KIAA1217: variants seen among roughly 807,000 people sequenced by gnomAD.
The protein encoded by KIAA1217 is KIAA1217.
In KIAA1217, 88 loss-of-function variants were observed where a neutral mutation model predicts 163.9. That is an observed-to-expected ratio of 0.54 (90% CI 0.45 to 0.64). The LOEUF (loss-of-function observed/expected upper bound fraction) is 0.64. Ranked by LOEUF, KIAA1217 falls within the 30% of genes least tolerant of loss-of-function variation. The probability of loss-of-function intolerance (pLI) is 0.00; values close to 1 mark genes in which losing one functional copy is unlikely to be tolerated. For synonymous variants in KIAA1217, 903 were observed against 923.1 expected, an observed-to-expected ratio of 0.98 and a Z score of 0.39; for missense variants, 2,372 against 2,475.0, an observed-to-expected ratio of 0.96 and a Z score of 0.88.
intron 1 of KIAA1217, among the ~76,000 whole-genome samples, chr10:23,925,607 G>A (rs1037425213): frequency 2.0e-5 from 3 of 152,138 alleles, no homozygotes; most frequent in Admixed American, 6.6e-5. Context: ...TCCATGTTTC[G>A]AAGGCAGAGG....
At chr10:24,400,728 T>TA (rs138427961) in intron 3 of KIAA1217, among the ~76,000 whole-genome samples, 84 of 151,916 alleles carry the variant, frequency 5.5e-4, no homozygotes, top group African/African-American at 2.0e-3. Flanking sequence ...TCAACCAGAA[T>TA]ATAAATATGA....
chr10:24,377,348 T>G (rs2052650466), intron 2 of KIAA1217, among the ~76,000 whole-genome samples: 1 of 152,158 alleles, frequency 6.6e-6, no homozygotes, highest in Non-Finnish European at 1.5e-5. Flanking sequence ...TGAGTCCTGC[T>G]CACGTGGCTC....
intron 2 of KIAA1217, among the ~76,000 whole-genome samples, chr10:24,062,530 G>A (rs567083054): frequency 2.7e-5 from 4 of 150,904 alleles, no homozygotes; most frequent in Non-Finnish European, 5.9e-5. Context: ...TCTTAATCCA[G>A]TCTATCATTG....
chr10:24,169,339 C>T lies in KIAA1217; in HGVS notation c.-170-50287C>T, dbSNP rs748468162. On this transcript the variant is annotated intron_variant, in intron 2 of 18. Coordinates refer to the KIAA1217 transcript ENST00000376462. ...TGCTCCATCACTCAATTCTCATTCT[C>T]TCCATTCTAGTCCCAACGGCTTTCT... is the stretch of plus-strand genomic sequence containing the variant. Among the ~76,000 whole-genome samples, 103 of 152,124 alleles carry T rather than the reference C, an allele frequency of 6.8e-4. 1 individual carries two copies. The highest frequency in any genetic ancestry group is 1.5e-4 in the Non-Finnish European group (10 of 68,022).
Position 23,826,203 on chromosome 10 carries a change from T to G in KIAA1217, c.-321+130969T>G, listed in dbSNP as rs965764363. ...CCTCCAGGTCTACTAAAAAAAAGTGTAAGTAGTTAATATGATTATTTTCTA... is the reference window on the plus strand; with the variant it reads ...CCTCCAGGTCTACTAAAAAAAAGTGGAAGTAGTTAATATGATTATTTTCTA... On this transcript the variant is annotated intron_variant, in intron 1 of 18. Coordinates refer to the KIAA1217 transcript ENST00000376462. 2.0e-5 allele frequency among the ~76,000 whole-genome samples: 3 copies of G among 152,148 alleles called. No individual in the cohort carries two copies. In the East Asian group the frequency reaches 5.8e-4, roughly 29 times the overall value.
chr10:24,290,501 G>A (rs368055127), intron 2 of KIAA1217, among the ~76,000 whole-genome samples: 151 of 150,966 alleles, frequency 1.0e-3, no homozygotes, highest in African/African-American at 3.6e-3. Flanking sequence ...GAGGTTGTAT[G>A]AGTGTAAAAA....
At chr10:23,776,793 G>A (rs1835027742) in intron 1 of KIAA1217, among the ~76,000 whole-genome samples, 1 of 149,186 alleles carries the variant, frequency 6.7e-6, no homozygotes, top group African/African-American at 2.5e-5. Flanking sequence ...CAATTCTTGT[G>A]CCTCAGCCTC....
chr10:24,185,348 G>A lies in KIAA1217; in HGVS notation c.-170-34278G>A, dbSNP rs117622361. On this transcript the variant is annotated intron_variant, in intron 2 of 18. Transcript: ENST00000376462. The stretch of plus-strand genomic sequence containing the variant: ...AATGAGAATCTCCTCCAAGACATTT[G>A]CTTCAGCATCTCCTTGCAAGTCCTC... Among the ~76,000 whole-genome samples the A allele has an allele frequency of 6.6e-4, 100 of 151,590 alleles. 2 individuals carry two copies. In the East Asian group the frequency reaches 0.012, roughly 18 times the overall value.
chr10:24,122,162 TG>T (rs1183240127), intron 2 of KIAA1217, among the ~76,000 whole-genome samples: 1 of 152,054 alleles, frequency 6.6e-6, no homozygotes, highest in Non-Finnish European at 1.5e-5. Context: ...CCCACCCTTT[TG>T]GAGTCCTTAG....
chr10:23,935,110 T>G (rs1398142633), intron 1 of KIAA1217, among the ~76,000 whole-genome samples: 1 of 152,192 alleles, frequency 6.6e-6, no homozygotes, highest in Non-Finnish European at 1.5e-5. Context: ...GTCTATGTTC[T>G]ATAAATAATG....
rs148264981 is a variant in KIAA1217, at chr10:23,908,506, C to A, written c.-320-98719C>A. On this transcript the variant is annotated intron_variant, in intron 1 of 18. Transcript: ENST00000376462. Reference sequence around the variant, plus strand: ...CCTTAGGTGTTCGCATGCCCAGATACAACCCTCAACTGTTTACTTTCTCTT... The same window carrying A: ...CCTTAGGTGTTCGCATGCCCAGATAAAACCCTCAACTGTTTACTTTCTCTT... Among the ~76,000 whole-genome samples, 173 of 152,146 alleles carry A rather than the reference C, an allele frequency of 1.1e-3. 1 individual carries two copies. The highest frequency in any genetic ancestry group is 4.0e-3 in the African/African-American group (165 of 41,512).
chr10:23,947,790 A>G (rs1844123513), intron 1 of KIAA1217, among the ~76,000 whole-genome samples: 1 of 152,198 alleles, frequency 6.6e-6, no homozygotes, highest in South Asian at 2.1e-4. Context: ...AGGGATACAG[A>G]CAGTAAACAA....
At chr10:24,154,970 G>A (rs555267105) in intron 2 of KIAA1217, among the ~76,000 whole-genome samples, 2 of 151,790 alleles carry the variant, frequency 1.3e-5, no homozygotes, top group Admixed American at 6.6e-5. Flanking sequence ...GTAGCCAGGT[G>A]TCTGGGGAAA....
At chr10:24,242,210 T>C (rs1358606258) in intron 2 of KIAA1217, among the ~76,000 whole-genome samples, 3 of 152,176 alleles carry the variant, frequency 2.0e-5, no homozygotes, top group Non-Finnish European at 4.4e-5. Flanking sequence ...ATAATGAGCA[T>C]AGTACCCAAT....
At chr10:23,956,422 T>C (rs1564564285) in intron 1 of KIAA1217, among the ~76,000 whole-genome samples, 1 of 152,032 alleles carries the variant, frequency 6.6e-6, no homozygotes, top group African/African-American at 2.4e-5. Context: ...GCAAACATAA[T>C]TGAAGACATA....
chr10:23,737,894 C>T (rs1838900117), intron 1 of KIAA1217, among the ~76,000 whole-genome samples: 1 of 150,098 alleles, frequency 6.7e-6, no homozygotes, highest in Non-Finnish European at 1.5e-5. Context: ...ATATTGTTAG[C>T]TAATTTTTGT....
chr10:24,044,872 T>C (rs1227942572), intron 2 of KIAA1217, among the ~76,000 whole-genome samples: 3 of 152,104 alleles, frequency 2.0e-5, no homozygotes, highest in Admixed American at 1.3e-4. Flanking sequence ...GTTATAGTCA[T>C]AGAACGCCCC....
chr10:23,826,474 G>A (rs899538692), intron 1 of KIAA1217, among the ~76,000 whole-genome samples: 3 of 152,146 alleles, frequency 2.0e-5, no homozygotes, highest in Non-Finnish European at 4.4e-5. Flanking sequence ...AATCGCTTGA[G>A]CCCAGCTAGG....
At chr10:24,154,019 G>A (rs1025158728) in intron 2 of KIAA1217, among the ~76,000 whole-genome samples, 1 of 150,030 alleles carries the variant, frequency 6.7e-6, no homozygotes, top group Non-Finnish European at 1.5e-5. Flanking sequence ...GTGCAGTGGC[G>A]GGATCTCGGC....
Sources: gnomAD v4.1 joint callset for allele counts (sites outside exome capture counted in the v4.1 genomes callset) on GRCh38, gnomAD v4.1.1 for gene constraint, MANE v1.5 for transcripts, NCBI Gene and HGNC (gene_info 2026-07-23, HGNC 2026-07-21) for gene names.